Variants in NXPE2 observed in about 807,000 individuals in gnomAD.
NXPE2 encodes the protein neurexophilin and PC-esterase domain family member 2, also known as NXPE family member 2.
In NXPE2, 34 loss-of-function variants were observed where a neutral mutation model predicts 34.4. The observed-to-expected ratio is 0.99, with a 90% CI of 0.75 to 1.31. The LOEUF (loss-of-function observed/expected upper bound fraction) is 1.31, where lower values mean the gene tolerates loss of function less well. Among genes scored for constraint, NXPE2 ranks in the 40% most tolerant of loss-of-function variants. The pLI, the probability that NXPE2 is intolerant of heterozygous loss-of-function variation, is 0.00. For missense variants in NXPE2, 649 were observed against 672.5 expected (o/e 0.97, Z 0.39); for synonymous variants, 235 against 231.3 (o/e 1.02, Z -0.15).
chr11:114,787,180 C>CA, the NXPE2 span, among the ~76,000 whole-genome samples: 4,248 of 150,974 alleles, frequency 0.028, 202 homozygotes, highest in African/African-American at 0.097. Context: ...CGCACACACA[C>CA]AAAAAAAAAG....
chr11:114,653,353 A>G, the NXPE2 span, among the ~76,000 whole-genome samples: 2 of 152,154 alleles, frequency 1.3e-5, no homozygotes, highest in African/African-American at 2.4e-5. Context: ...TATTGTCCCT[A>G]TAAGCTCAAC....
chr11:114,748,165 AT>A, the NXPE2 span, among the ~76,000 whole-genome samples: 1 of 151,826 alleles, frequency 6.6e-6, no homozygotes, highest in Non-Finnish European at 1.5e-5. Context: ...TTTCTTTTTT[AT>A]TAATATTTTG....
chr11:114,675,251 A>G (rs1262663782), upstream of NXPE2, among the ~76,000 whole-genome samples: 1 of 151,846 alleles, frequency 6.6e-6, no homozygotes, highest in African/African-American at 2.4e-5. Context: ...AAGATGAGGA[A>G]TAAGAGGATA....
the NXPE2 span, among the ~76,000 whole-genome samples, chr11:114,805,479 A>C: frequency 2.0e-5 from 3 of 152,138 alleles, no homozygotes; most frequent in Non-Finnish European, 2.9e-5. Context: ...AAATCGGGTC[A>C]CTCCTACCCT....
At chr11:114,758,623 C>T in the NXPE2 span, among the ~76,000 whole-genome samples, 4 of 152,116 alleles carry the variant, frequency 2.6e-5, no homozygotes, top group Non-Finnish European at 5.9e-5. Context: ...CTTTGGAGAT[C>T]TGGGCTAGAA....
the NXPE2 span, among the ~76,000 whole-genome samples, chr11:114,654,374 G>A: frequency 6.6e-6 from 1 of 151,910 alleles, no homozygotes; most frequent in African/African-American, 2.4e-5. Flanking sequence ...AAAAAAAATG[G>A]GATACACATG....
At chr11:114,490,445 A>T in the NXPE2 span, among the ~76,000 whole-genome samples, 1 of 152,194 alleles carries the variant, frequency 6.6e-6, no homozygotes, top group African/African-American at 2.4e-5. Context: ...TACCTGACTT[A>T]AAGCTATACT....
chr11:114,627,988 G>C, the NXPE2 span, among the ~76,000 whole-genome samples: 15 of 151,822 alleles, frequency 9.9e-5, no homozygotes, highest in African/African-American at 3.1e-4. Context: ...AATATATATG[G>C]ACCCAACACA....
the NXPE2 span, among the ~76,000 whole-genome samples, chr11:114,666,384 A>AT: frequency 5.3e-5 from 8 of 151,946 alleles, no homozygotes; most frequent in Admixed American, 1.3e-4. Context: ...GGGATGAAAG[A>AT]TTTTTTTTCC....
the NXPE2 span, among the ~76,000 whole-genome samples, chr11:114,742,986 T>G: frequency 9.9e-5 from 15 of 152,238 alleles, 1 homozygote; most frequent in Admixed American, 2.0e-4. Flanking sequence ...TTTGCTGCTT[T>G]TATTTGGGGC....
chr11:114,796,325 G>GAATTTTTTAT, the NXPE2 span, among the ~76,000 whole-genome samples: 1 of 152,262 alleles, frequency 6.6e-6, no homozygotes, highest in African/African-American at 2.4e-5. Context: ...AGTCCTTGAA[G>GAATTTTTTAT]AATTTTTTAT....
downstream of NXPE2, among the ~76,000 whole-genome samples, chr11:114,709,939 C>T (rs376904658): frequency 2.5e-4 from 38 of 151,486 alleles, 1 homozygote; most frequent in African/African-American, 2.7e-4. Context: ...AATCGATAGC[C>T]GAAAGAAAAT....
At chr11:114,619,369 T>A in the NXPE2 span, among the ~76,000 whole-genome samples, 87 of 151,808 alleles carry the variant, frequency 5.7e-4, no homozygotes, top group Non-Finnish European at 1.1e-3. Context: ...AGATAATAAG[T>A]GTTGCCACCT....
chr11:114,800,930 A>C, the NXPE2 span, among the ~76,000 whole-genome samples: 46 of 152,232 alleles, frequency 3.0e-4, no homozygotes, highest in Non-Finnish European at 3.1e-4. Context: ...ACAACTTTAT[A>C]ATCTATTAAG....
the NXPE2 span, chr11:114,521,771 T>C: frequency 1.9e-6 from 1 of 532,140 alleles, no homozygotes; most frequent in Non-Finnish European, 3.3e-6. Context: ...AGGCATGGTA[T>C]AGTCATTCTT....
the NXPE2 span, among the ~76,000 whole-genome samples, chr11:114,640,598 C>T: frequency 2.0e-5 from 3 of 150,958 alleles, no homozygotes; most frequent in Non-Finnish European, 1.5e-5. Flanking sequence ...TCCCTTTTCA[C>T]CACATCTTCA....
chr11:114,740,026 C>T, the NXPE2 span, among the ~76,000 whole-genome samples: 1 of 138,592 alleles, frequency 7.2e-6, no homozygotes, highest in Non-Finnish European at 1.6e-5. Context: ...ACAGATAGTA[C>T]CAAACACTAT....
the NXPE2 span, among the ~76,000 whole-genome samples, chr11:114,629,781 C>G: frequency 1.3e-5 from 2 of 150,910 alleles, no homozygotes; most frequent in Non-Finnish European, 3.0e-5. Flanking sequence ...CCCATTGTCT[C>G]AGCCCAAAAT....
Position 114,706,480 on chromosome 11 carries a change from GA to G in NXPE2, c.1236del (p.Lys412AsnfsTer14). On this transcript the variant is annotated frameshift_variant, in exon 6 of 6. Coordinates refer to ENST00000389586, the MANE Select transcript of NXPE2 (RefSeq NM_182495.6). LOFTEE classifies it low-confidence loss of function (END_TRUNC). ...DVERHILIQW[K>X]KHGHPFVTKK... The stretch of plus-strand genomic sequence containing the variant: ...TTGAAAGACATATTTTGATTCAGTG[GA>G]AAAAACATGGTCATCCATTTGTTAC... 1 of 1,551,484 alleles carries G rather than the reference GA, an allele frequency of 6.4e-7. No homozygotes were observed.
Sources: gnomAD v4.1 joint callset for allele counts (sites outside exome capture counted in the v4.1 genomes callset) on GRCh38, gnomAD v4.1.1 for gene constraint, MANE v1.5 for transcripts, NCBI Gene and HGNC (gene_info 2026-07-23, HGNC 2026-07-21) for gene names.